The following CCNY variants were observed in gnomAD, a reference collection of about 807,000 sequenced individuals.
CCNY encodes the protein cyclin-Y.
A neutral mutation model predicts 42.8 loss-of-function variants in CCNY; 19 were observed. The observed-to-expected ratio is 0.44, with a 90% CI of 0.31 to 0.65. The LOEUF (loss-of-function observed/expected upper bound fraction) is 0.65. Ranked by LOEUF, CCNY falls within the 30% of genes least tolerant of loss-of-function variation. The pLI, the probability that CCNY is intolerant of heterozygous loss-of-function variation, is 0.07. For synonymous variants in CCNY, 165 were observed against 162.7 expected (o/e 1.01, Z -0.11); for missense variants, 370 against 437.3 (o/e 0.85, Z 1.37).
chr10:35,312,265 C>T (rs1325051985), intron 3 of CCNY, among the ~76,000 whole-genome samples: 1 of 150,770 alleles, frequency 6.6e-6, no homozygotes, highest in African/African-American at 2.4e-5. Context: ...CCTGTAGTCC[C>T]AGCTACTTGG....
chr10:35,344,840 C>A (rs534015513), intron 1 of CCNY, among the ~76,000 whole-genome samples: 1 of 151,962 alleles, frequency 6.6e-6, no homozygotes, highest in Non-Finnish European at 1.5e-5. Flanking sequence ...GTTTTTTGTC[C>A]GTGCGATAGT....
chr10:35,364,751 A>G (rs933967331), intron 1 of CCNY, among the ~76,000 whole-genome samples: 6 of 152,046 alleles, frequency 3.9e-5, no homozygotes, highest in African/African-American at 1.4e-4. Context: ...TGAGTTATTT[A>G]TGGATTAGCC....
chr10:35,426,116 C>T (rs1184000426), intron 1 of CCNY, among the ~76,000 whole-genome samples: 2 of 70,796 alleles, frequency 2.8e-5, no homozygotes, highest in Non-Finnish European at 5.6e-5. Flanking sequence ...CACGCGCACA[C>T]ACACACACAC....
At chr10:35,407,328 A>G (rs1253723977) in intron 1 of CCNY, among the ~76,000 whole-genome samples, 1 of 151,910 alleles carries the variant, frequency 6.6e-6, no homozygotes, top group African/African-American at 2.4e-5. Flanking sequence ...CCTGGGGAGG[A>G]GGGGAGAGAG....
intron 3 of CCNY, among the ~76,000 whole-genome samples, chr10:35,292,807 C>T (rs1274772363): frequency 9.0e-6 from 1 of 111,096 alleles, no homozygotes. Flanking sequence ...TTTTTGGAGA[C>T]GAAGTCTTGT....
chr10:35,268,521 T>C (rs912184224), intron 3 of CCNY, among the ~76,000 whole-genome samples: 2 of 152,098 alleles, frequency 1.3e-5, no homozygotes, highest in African/African-American at 4.8e-5. Flanking sequence ...TCTCCCAAGC[T>C]GGTATTGTGT....
chr10:35,296,872 A>C lies in CCNY; in HGVS notation c.-9+46246A>C, dbSNP rs566755749. Among the ~76,000 whole-genome samples, 4 of 152,308 alleles carry C rather than the reference A, an allele frequency of 2.6e-5. No homozygotes were observed. In the South Asian group the frequency reaches 8.3e-4, roughly 32 times the overall value. ...TGGATTCACAGCTGAATTCTACCAG[A>C]TGTATAAAGAAGAGCTGGTAGCATT... On this transcript the variant is annotated intron_variant, in intron 3 of 11. Transcript: ENST00000374706.
At chr10:35,254,191 T>G (rs1390785980) in intron 3 of CCNY, among the ~76,000 whole-genome samples, 3 of 152,140 alleles carry the variant, frequency 2.0e-5, no homozygotes, top group Non-Finnish European at 4.4e-5. Context: ...GTGACTGTTT[T>G]TTACCGAAAA....
At chr10:35,495,737 T>C (rs1418980070) in intron 2 of CCNY, among the ~76,000 whole-genome samples, 1 of 152,310 alleles carries the variant, frequency 6.6e-6, no homozygotes, top group East Asian at 1.9e-4. Flanking sequence ...TGCTTTGTTC[T>C]GGGCTCCAAA....
intron 7 of CCNY, among the ~76,000 whole-genome samples, chr10:35,542,862 C>A (rs1841032627): frequency 2.0e-5 from 3 of 152,162 alleles, no homozygotes. Flanking sequence ...TTCAGTTGTT[C>A]CTTCAATTGC....
Position 35,347,111 on chromosome 10 carries a change from CT to C in CCNY, c.154+9905del, listed in dbSNP as rs973881653. Among the ~76,000 whole-genome samples, 52 of 152,346 alleles carry C rather than the reference CT, an allele frequency of 3.4e-4. 1 individual carries two copies. The highest frequency in any genetic ancestry group is 1.3e-3 in the African/African-American group (52 of 41,576). On this transcript the variant is annotated intron_variant, in intron 1 of 9. Transcript: ENST00000374704. ...ACTACTTGCATTAAAAAGTACTTCA[CT>C]GCAGACACATTATCCCTTATTGGGG... is the stretch of plus-strand genomic sequence containing the variant.
At chr10:35,355,953 C>T (rs1836540395) in intron 1 of CCNY, among the ~76,000 whole-genome samples, 1 of 151,702 alleles carries the variant, frequency 6.6e-6, no homozygotes, top group Non-Finnish European at 1.5e-5. Flanking sequence ...AATGAAATTA[C>T]CATTTTTTGT....
At chr10:35,514,505 T>C (rs1012564631) in intron 3 of CCNY, among the ~76,000 whole-genome samples, 12 of 152,080 alleles carry the variant, frequency 7.9e-5, no homozygotes, top group Non-Finnish European at 1.5e-5. Context: ...CACAGAGGGG[T>C]GGTGCCCTCC....
intron 1 of CCNY, among the ~76,000 whole-genome samples, chr10:35,412,923 G>A (rs951892561): frequency 6.7e-6 from 1 of 148,216 alleles, no homozygotes; most frequent in Non-Finnish European, 1.5e-5. Flanking sequence ...TGTGGATCAC[G>A]CTTTGGGTTG....
intron 1 of CCNY, among the ~76,000 whole-genome samples, chr10:35,355,503 C>A (rs1836525160): frequency 6.6e-6 from 1 of 151,544 alleles, no homozygotes; most frequent in African/African-American, 2.4e-5. Context: ...CATTGTGAAA[C>A]CCCATCTCTA....
Position 35,280,446 on chromosome 10 carries a change from G to A in CCNY, c.-9+29820G>A, listed in dbSNP as rs186695330. ...GGAGGAAAGGGGAGGAAGGAAAGAA[G>A]GAAGGAAGGAAAGAAGGGAGGAAGG... On this transcript the variant is annotated intron_variant, in intron 3 of 11. Transcript: ENST00000374706. Among the ~76,000 whole-genome samples, 102 of 148,226 alleles carry A rather than the reference G, an allele frequency of 6.9e-4. 1 individual carries two copies. Among genetic ancestry groups the A allele is most frequent in the African/African-American group, 2.3e-3 (91 of 39,880 alleles).
intron 2 of CCNY, among the ~76,000 whole-genome samples, chr10:35,497,632 T>TAGGCAGGAG (rs1840027199): frequency 6.7e-6 from 1 of 148,728 alleles, no homozygotes; most frequent in Non-Finnish European, 1.5e-5. Flanking sequence ...CTCAGCTACT[T>TAGGCAGGAG]AGGCAGGAGA....
chr10:35,409,413 G>T (rs1589101063), intron 1 of CCNY, among the ~76,000 whole-genome samples: 1 of 152,320 alleles, frequency 6.6e-6, no homozygotes, highest in East Asian at 1.9e-4. Flanking sequence ...TGCCACTGCA[G>T]CTGCTGTCTG....
At chr10:35,280,380 G>GGAAAGAAA (rs200517099) in intron 3 of CCNY, among the ~76,000 whole-genome samples, 62,469 of 146,374 alleles carry the variant, frequency 0.43, 13,958 homozygotes, top group African/African-American at 0.57. Flanking sequence ...AAAGGAAGAA[G>GGAAAGAAA]GGAAGAAAGG....
Sources: allele counts gnomAD v4.1 joint callset (sites outside exome capture counted in the v4.1 genomes callset), GRCh38; gene constraint gnomAD v4.1.1; transcripts MANE v1.5; gene names NCBI Gene and HGNC (gene_info 2026-07-23, HGNC 2026-07-21).